The following PCDHGA5 variants were observed in gnomAD, a reference collection of about 807,000 sequenced individuals.
PCDHGA5 encodes the protein protocadherin gamma subfamily A, 5.
PCDHGA5 carries 36 observed loss-of-function variants against 56.7 expected under a neutral mutation model. The ratio of observed to expected loss-of-function variants is 0.64; its 90% CI spans 0.49 to 0.84. The LOEUF (loss-of-function observed/expected upper bound fraction) is 0.84. Among genes scored for constraint, PCDHGA5 ranks in the 40% least tolerant of loss-of-function variants. The probability of loss-of-function intolerance (pLI) is 0.00; values close to 1 mark genes in which losing one functional copy is unlikely to be tolerated. For synonymous variants in PCDHGA5, 563 were observed against 520.2 expected (o/e 1.08, Z -1.12); for missense variants, 1,305 against 1,201.5 (o/e 1.09, Z -1.27).
Position 141,431,051 on chromosome 5 carries a change from G to C in PCDHGA5, c.2422-63756G>C, listed in dbSNP as rs1280440001. On this transcript the variant is annotated intron_variant, in intron 1 of 3. Coordinates refer to ENST00000518069, the MANE Select transcript of PCDHGA5 (RefSeq NM_018918.3). This position sits in a 1 kb window ranked among gnomAD's most constrained non-coding sequence, Gnocchi z 4.8. ...GATAGACCGGGAGGAGCTCTGTATGGGGGCCATCAAGTGTCAATTAAATCT... is the reference window on the plus strand; with the variant it reads ...GATAGACCGGGAGGAGCTCTGTATGCGGGCCATCAAGTGTCAATTAAATCT... 3 of 1,614,218 alleles carry C rather than the reference G, an allele frequency of 1.9e-6. No homozygotes were observed. Among genetic ancestry groups the C allele is most frequent in the East Asian group, 2.2e-5 (1 of 44,886 alleles).
intron 1 of PCDHGA5, among the ~76,000 whole-genome samples, chr5:141,471,014 G>A (rs2099246573): frequency 6.7e-6 from 1 of 148,628 alleles, no homozygotes; most frequent in Non-Finnish European, 1.5e-5. Context: ...ACTGTGCCTG[G>A]TCAATCATTT....
At position 141,366,020 on chromosome 5, in the gene PCDHGA5, T is replaced by A; in HGVS notation, c.1690T>A (p.Tyr564Asn). 1.2e-6 allele frequency: 2 copies of A among 1,614,210 alleles called. No individual in the cohort carries two copies. Among genetic ancestry groups the A allele is most frequent in the South Asian group, 2.2e-5 (2 of 91,090 alleles). The change falls in exon 1 of 4, where the codon TAC becomes AAC. Residue 564 changes from tyrosine to asparagine, a missense_variant. Coordinates refer to ENST00000518069, the MANE Select transcript of PCDHGA5 (RefSeq NM_018918.3). ...DQNDNTPEIL[Y>N]PALPTDGSTG... ...GAACGACAATACGCCTGAGATCCTG[T>A]ACCCCGCCCTCCCCACAGACGGTTC...
rs776550132 is a variant in PCDHGA5, at chr5:141,394,056, G to A, written c.2421+27305G>A. 6 of 1,613,616 alleles carry A rather than the reference G, an allele frequency of 3.7e-6. No homozygotes were observed. The African/African-American group carries it at 5.3e-5, about 14-fold the overall frequency. On this transcript the variant is annotated intron_variant, in intron 1 of 3. Coordinates refer to ENST00000518069, the MANE Select transcript of PCDHGA5 (RefSeq NM_018918.3). ...AAGGAAATATTTGGACCGAGAAAAT[G>A]TCTCTATCTACAATATCACAGTGAT...
At chr5:141,419,325 A>C in intron 1 of PCDHGA5, 1 of 1,613,702 alleles carries the variant, frequency 6.2e-7, no homozygotes, top group African/African-American at 1.3e-5. Flanking sequence ...CGTGTCTCCT[A>C]CTCTCTCATT....
chr5:141,491,168 A>G lies in PCDHGA5; in HGVS notation c.2422-3639A>G. On this transcript the variant is annotated intron_variant, in intron 1 of 3. Coordinates refer to ENST00000518069, the MANE Select transcript of PCDHGA5 (RefSeq NM_018918.3). The surrounding 1 kb of genome is among the most constrained non-coding windows in gnomAD (Gnocchi z 6.9). Reference sequence around the variant, plus strand: ...CTGGAGGATGACTCTGACACCCAGCAGGTGGTGGTCCTGGTGAGGGACAAT... The same window carrying G: ...CTGGAGGATGACTCTGACACCCAGCGGGTGGTGGTCCTGGTGAGGGACAAT... 2 of 1,614,160 alleles carry G rather than the reference A, an allele frequency of 1.2e-6. No homozygotes were observed.
At chr5:141,423,744 A>G in intron 1 of PCDHGA5, 1 of 429,464 alleles carries the variant, frequency 2.3e-6, no homozygotes. Context: ...TGTTATGAAA[A>G]CTGTTTGGGG....
intron 1 of PCDHGA5, chr5:141,402,820 C>T: frequency 1.6e-6 from 2 of 1,288,164 alleles, no homozygotes; most frequent in Admixed American, 3.0e-5. Context: ...CACAAACCTG[C>T]TCCCAGGCTG....
chr5:141,478,045 T>A, intron 1 of PCDHGA5: 1 of 1,614,144 alleles, frequency 6.2e-7, no homozygotes, highest in Non-Finnish European at 8.5e-7. Context: ...CCAGGCAGAC[T>A]CTCACGGTCT....
intron 1 of PCDHGA5, among the ~76,000 whole-genome samples, chr5:141,479,129 C>T (rs2099488562): frequency 6.6e-6 from 1 of 152,154 alleles, no homozygotes; most frequent in South Asian, 2.1e-4. Context: ...AAATGATGTG[C>T]ACCCTGCTTA....
intron 1 of PCDHGA5, chr5:141,395,534 G>T: frequency 8.7e-6 from 3 of 344,098 alleles, no homozygotes; most frequent in East Asian, 5.8e-5. Context: ...TGGTAATTTT[G>T]CTATTGTTTG....
intron 1 of PCDHGA5, chr5:141,428,460 T>G (rs558111052): frequency 2.8e-6 from 1 of 351,434 alleles, no homozygotes; most frequent in African/African-American, 2.1e-5. Context: ...CCAACTACAA[T>G]GAGGGAACTT....
chr5:141,486,598 C>T lies in PCDHGA5; in HGVS notation c.2422-8209C>T. 2 of 1,613,604 alleles carry T rather than the reference C, an allele frequency of 1.2e-6. No homozygotes were observed. Among genetic ancestry groups the T allele is most frequent in the Non-Finnish European group, 1.7e-6 (2 of 1,179,998 alleles). ...ACAATCGCCCAGGGGACCTGCTTTG[C>T]TCCCTTGCAGCCTCTGACCCAGACT... On this transcript the variant is annotated intron_variant, in intron 1 of 3. Transcript: ENST00000518069. The surrounding 1 kb of genome is among the most constrained non-coding windows in gnomAD (Gnocchi z 5.0).
At position 141,365,964 on chromosome 5, in the gene PCDHGA5, A is replaced by G; in HGVS notation, c.1634A>G (p.Asn545Ser). 6.2e-7 allele frequency: 1 copy of G among 1,614,252 alleles called. No homozygotes were observed. Among genetic ancestry groups the G allele is most frequent in the Non-Finnish European group, 8.5e-7 (1 of 1,180,048 alleles). The change falls in exon 1 of 4, where the codon AAC becomes AGC. Residue 545 changes from asparagine (N) to serine (S), a missense_variant. Coordinates refer to ENST00000518069, the MANE Select transcript of PCDHGA5 (RefSeq NM_018918.3). ...SDSGNPPLSS[N>S]VSLSLFVLDQ... The stretch of plus-strand genomic sequence containing the variant: ...AGTGGGAACCCTCCACTTAGCAGCA[A>G]CGTGTCGCTGAGCCTGTTTGTGCTG...
chr5:141,374,727 T>A (rs1169090117), intron 1 of PCDHGA5: 2 of 1,610,538 alleles, frequency 1.2e-6, no homozygotes, highest in Non-Finnish European at 1.7e-6. Flanking sequence ...CTTACTGCCA[T>A]GGATGGCGGC....
chr5:141,375,475 C>T (rs774489564), intron 1 of PCDHGA5: 2 of 1,614,002 alleles, frequency 1.2e-6, no homozygotes, highest in East Asian at 2.2e-5. Context: ...TCCTTGAAAA[C>T]AACCCCAGGG....
chr5:141,375,133 A>C, intron 1 of PCDHGA5: 1 of 1,613,958 alleles, frequency 6.2e-7, no homozygotes, highest in South Asian at 1.1e-5. Context: ...TGGTTGTTAC[A>C]TCTGGAAGCA....
intron 1 of PCDHGA5, chr5:141,418,494 T>TGATGGTGGG: frequency 6.2e-7 from 1 of 1,614,020 alleles, no homozygotes; most frequent in Non-Finnish European, 8.5e-7. Context: ...CACTTGGTAC[T>TGATGGTGGG]GACCGCCTTA....
At chr5:141,399,937 G>C in intron 1 of PCDHGA5, 1 of 1,612,360 alleles carries the variant, frequency 6.2e-7, no homozygotes, top group African/African-American at 1.3e-5. Flanking sequence ...GTCCTACCAC[G>C]TGCTGCAGGC....
chr5:141,376,249 A>G (rs1433359020), intron 1 of PCDHGA5: 1 of 1,614,042 alleles, frequency 6.2e-7, no homozygotes, highest in Non-Finnish European at 8.5e-7. Context: ...GGCACAAGTC[A>G]CGCCTGCTGC....
Sources: allele counts gnomAD v4.1 joint callset (sites outside exome capture counted in the v4.1 genomes callset), GRCh38; gene constraint gnomAD v4.1.1; non-coding constraint Gnocchi (gnomAD v3.1); transcripts MANE v1.5; gene names NCBI Gene and HGNC (gene_info 2026-07-23, HGNC 2026-07-21).